Variants in PRKG2 observed in about 807,000 individuals in gnomAD.
PRKG2 encodes the protein cGMP-dependent protein kinase 2.
Under a neutral mutation model 97.2 loss-of-function variants are expected in PRKG2, and 33 were observed. That is an observed-to-expected ratio of 0.34 (90% confidence interval 0.26 to 0.45). The LOEUF (loss-of-function observed/expected upper bound fraction) is 0.45, where lower values mean the gene tolerates loss of function less well. Among genes scored for constraint, PRKG2 ranks in the 20% least tolerant of loss-of-function variants. PRKG2 has a pLI of 1.00. For synonymous variants in PRKG2, 330 were observed against 321.8 expected, an observed-to-expected ratio of 1.03 and a Z score of -0.27; for missense variants, 638 against 900.0, an observed-to-expected ratio of 0.71 and a Z score of 3.73.
At chr4:81,192,431 T>A (rs1295233431) in intron 2 of PRKG2, among the ~76,000 whole-genome samples, 1 of 152,182 alleles carries the variant, frequency 6.6e-6, no homozygotes, top group Non-Finnish European at 1.5e-5. Context: ...AATTAAAAAT[T>A]CATTTTAAAA....
intron 3 of PRKG2, among the ~76,000 whole-genome samples, chr4:81,172,817 G>A (rs1343054833): frequency 3.3e-5 from 5 of 151,968 alleles, no homozygotes; most frequent in Non-Finnish European, 7.4e-5. Flanking sequence ...AAACTGATCC[G>A]AGTACCTATG....
intron 1 of PRKG2, 36 bp from the exon 2 acceptor site, chr4:81,205,096 G>T: frequency 7.4e-7 from 1 of 1,356,810 alleles, no homozygotes; most frequent in Non-Finnish European, 1.0e-6. Context: ...ATCAAGTGGA[G>T]TTTCACTTCC....
chr4:81,134,676 G>T (rs895501127), intron 14 of PRKG2, among the ~76,000 whole-genome samples: 1 of 152,080 alleles, frequency 6.6e-6, no homozygotes, highest in African/African-American at 2.4e-5. Flanking sequence ...TGTACTCTAG[G>T]ATTGTGATGT....
At chr4:81,174,617 C>A (rs1240113491) in intron 3 of PRKG2, among the ~76,000 whole-genome samples, 176 bp downstream of exon 3, 1 of 151,986 alleles carries the variant, frequency 6.6e-6, no homozygotes, top group East Asian at 1.9e-4. Context: ...TTAAATATTA[C>A]CATCAATTAA....
chr4:81,140,402 A>C, intron 12 of PRKG2, 131 bp downstream of exon 12: 1 of 742,396 alleles, frequency 1.3e-6, no homozygotes, highest in Non-Finnish European at 1.9e-6. Flanking sequence ...AAAACATTTC[A>C]TGTACCCCAT....
intron 2 of PRKG2, among the ~76,000 whole-genome samples, chr4:81,198,281 G>A (rs1417134525): frequency 6.6e-6 from 1 of 151,436 alleles, no homozygotes; most frequent in Non-Finnish European, 1.5e-5. Context: ...AGCAGAGTGA[G>A]CAGAGCCCAG....
chr4:81,175,917 G>C (rs1246236551), intron 2 of PRKG2: 1 of 151,984 alleles, frequency 6.6e-6, no homozygotes, highest in Non-Finnish European at 1.5e-5. Context: ...ATTTACTCTC[G>C]ATCATAAAAC....
At chr4:81,164,632 T>G (rs1240053057) in intron 6 of PRKG2, among the ~76,000 whole-genome samples, 1 of 151,956 alleles carries the variant, frequency 6.6e-6, no homozygotes, top group African/African-American at 2.4e-5. Flanking sequence ...ACCATTAGAG[T>G]GTTAGGTGTG....
chr4:81,111,916 A>T (rs1744030251), intron 14 of PRKG2, among the ~76,000 whole-genome samples: 2 of 152,212 alleles, frequency 1.3e-5, no homozygotes, highest in African/African-American at 4.8e-5. Context: ...TCTGGGCTTC[A>T]GCATTTCACA....
intron 14 of PRKG2, among the ~76,000 whole-genome samples, chr4:81,134,695 G>A (rs1187040718): frequency 1.3e-5 from 2 of 152,062 alleles, no homozygotes; most frequent in Admixed American, 1.3e-4. Flanking sequence ...GTTAAACCCT[G>A]GGGCCCCAGT....
intron 2 of PRKG2, among the ~76,000 whole-genome samples, chr4:81,175,192 A>G (rs1347247650): frequency 1.3e-5 from 2 of 152,036 alleles, no homozygotes; most frequent in African/African-American, 2.4e-5. Flanking sequence ...TGACACCAAT[A>G]TTATCATTCC....
chr4:81,204,700 A>G lies in PRKG2; in HGVS notation c.348T>C (p.His116=). The stretch of plus-strand genomic sequence containing the variant: ...CGCCAGCCTTTGCTCCCCTCCTGCT[A>G]TGGAGAGAGACCAATCCAGAGGTCT... ...HRKTSGLVSL[H]SRRGAKAGVS... The change falls in exon 2 of 19, where the codon CAT becomes CAC. Residue 116 remains histidine (H), a synonymous_variant. Transcript: ENST00000264399. 6.2e-7 allele frequency: 1 copy of G among 1,614,098 alleles called. No homozygotes were observed. Among genetic ancestry groups the G allele is most frequent in the African/African-American group, 1.3e-5 (1 of 75,024 alleles).
At chr4:81,198,706 C>T (rs1055627474) in intron 2 of PRKG2, among the ~76,000 whole-genome samples, 2 of 152,100 alleles carry the variant, frequency 1.3e-5, no homozygotes, top group African/African-American at 4.8e-5. Flanking sequence ...TTAATTTCAC[C>T]TTCAGTAAAA....
chr4:81,163,346 T>G (rs1749724369), intron 6 of PRKG2, among the ~76,000 whole-genome samples: 1 of 152,134 alleles, frequency 6.6e-6, no homozygotes, highest in African/African-American at 2.4e-5. Flanking sequence ...GTCCTTGTGG[T>G]TACATTGCAA....
chr4:81,153,948 C>T (rs879761081), intron 6 of PRKG2, among the ~76,000 whole-genome samples: 6 of 152,158 alleles, frequency 3.9e-5, no homozygotes, highest in South Asian at 2.1e-4. Context: ...GGCATTGCCT[C>T]ACTCAGCAAG....
At chr4:81,108,479 T>TTG (rs1743578676) in intron 15 of PRKG2, among the ~76,000 whole-genome samples, 1 of 145,438 alleles carries the variant, frequency 6.9e-6, no homozygotes, top group African/African-American at 2.5e-5. Flanking sequence ...CACTATTGGT[T>TTG]TTTTTTTTTT....
chr4:81,122,861 C>G (rs1465263968), intron 14 of PRKG2, among the ~76,000 whole-genome samples: 2 of 152,238 alleles, frequency 1.3e-5, no homozygotes, highest in African/African-American at 4.8e-5. Flanking sequence ...TGTACTGCCA[C>G]AGGGCGCACC....
At chr4:81,110,749 A>ACAC in intron 14 of PRKG2, 138 bp from the exon 15 acceptor site, 1 of 690,944 alleles carries the variant, frequency 1.4e-6, no homozygotes, top group Non-Finnish European at 2.3e-6. Flanking sequence ...ACACACACAC[A>ACAC]AAGAGAGAGA....
intron 1 of PRKG2, among the ~76,000 whole-genome samples, chr4:81,207,547 G>A (rs1053291043): frequency 6.6e-6 from 1 of 152,024 alleles, no homozygotes; most frequent in Admixed American, 6.6e-5. Flanking sequence ...AATATGAAAA[G>A]GCTTAGAATC....
Sources: gnomAD v4.1 joint callset for allele counts (sites outside exome capture counted in the v4.1 genomes callset) on GRCh38, gnomAD v4.1.1 for gene constraint, MANE v1.5 for transcripts, NCBI Gene and HGNC (gene_info 2026-07-23, HGNC 2026-07-21) for gene names.